The following PAK5 variants were observed in gnomAD, a reference collection of about 807,000 sequenced individuals.
The protein encoded by PAK5 is serine/threonine-protein kinase PAK 5.
PAK5 carries 16 observed loss-of-function variants against 65.9 expected under a neutral mutation model. The observed-to-expected ratio is 0.24, with a 90% confidence interval of 0.16 to 0.37. PAK5 has a LOEUF of 0.37. Ranked by LOEUF, PAK5 falls within the 10% of genes least tolerant of loss-of-function variation. The pLI is 1.00. For missense variants in PAK5, 785 were observed against 903.9 expected (o/e 0.87, Z 1.69); for synonymous variants, 371 against 354.9 (o/e 1.05, Z -0.51).
In PAK5 at chr20:9,740,130, C is replaced by T. The variant is rs368472360; in HGVS notation, c.-161-28695G>A. ...AAAGCGTTCTTTGGTGGAAAAATGT[C>T]GGAGCCACTACTGGACTTTAACAGC... On this transcript the variant is annotated intron_variant, in intron 1 of 9. Coordinates refer to ENST00000353224, the MANE Select transcript of PAK5 (RefSeq NM_177990.4). 4.6e-5 allele frequency among the ~76,000 whole-genome samples: 7 copies of T among 152,228 alleles called. No individual in the cohort carries two copies. The South Asian group carries it at 8.3e-4, about 18-fold the overall frequency.
At chr20:9,602,815 C>T (rs928503649) in intron 3 of PAK5, among the ~76,000 whole-genome samples, 3 of 152,198 alleles carry the variant, frequency 2.0e-5, no homozygotes, top group African/African-American at 7.2e-5. Context: ...CCCCATCTTG[C>T]CTGAACTGTA....
intron 1 of PAK5, among the ~76,000 whole-genome samples, chr20:9,788,163 G>T (rs1430948636): frequency 1.3e-5 from 2 of 152,148 alleles, no homozygotes; most frequent in East Asian, 1.9e-4. Flanking sequence ...TATAGTAACA[G>T]CTTCAATGTA....
intron 1 of PAK5, among the ~76,000 whole-genome samples, chr20:9,767,866 A>G (rs141208537): frequency 5.9e-5 from 9 of 152,312 alleles, no homozygotes; most frequent in East Asian, 1.9e-4. Context: ...GTGCCCATCA[A>G]TGGTGGACTG....
At chr20:9,836,680 T>C (rs1434263400) in intron 1 of PAK5, among the ~76,000 whole-genome samples, 1 of 152,116 alleles carries the variant, frequency 6.6e-6, no homozygotes, top group African/African-American at 2.4e-5. Context: ...GAAACTAATA[T>C]AGTTGGGAAA....
At chr20:9,751,621 T>C (rs1458898397) in intron 1 of PAK5, among the ~76,000 whole-genome samples, 1 of 152,174 alleles carries the variant, frequency 6.6e-6, no homozygotes, top group African/African-American at 2.4e-5. Flanking sequence ...TTGCTTACGT[T>C]GTATCAAGTA....
At chr20:9,659,807 C>T (rs796842014) in intron 2 of PAK5, among the ~76,000 whole-genome samples, 14 of 152,272 alleles carry the variant, frequency 9.2e-5, no homozygotes, top group African/African-American at 3.1e-4. Context: ...CCCAAACAAT[C>T]TAACATTCTG....
chr20:9,566,510 TG>T (rs1402626428), intron 4 of PAK5, 126 bp from the exon 5 acceptor site: 13 of 936,422 alleles, frequency 1.4e-5, no homozygotes, highest in Non-Finnish European at 2.0e-5. Flanking sequence ...AGGATCTGGC[TG>T]GGGCACCAAC....
intron 3 of PAK5, among the ~76,000 whole-genome samples, chr20:9,610,764 G>GT (rs1281063715): frequency 5.3e-5 from 8 of 152,158 alleles, no homozygotes; most frequent in Non-Finnish European, 1.2e-4. Context: ...TCATTTGAAT[G>GT]TATGTGTCCC....
intron 7 of PAK5, among the ~76,000 whole-genome samples, chr20:9,549,195 T>A (rs1230799073): frequency 6.6e-6 from 1 of 152,136 alleles, no homozygotes; most frequent in Non-Finnish European, 1.5e-5. Context: ...ATGTTGACTA[T>A]GTCAGGTCCC....
chr20:9,711,101 G>A (rs1044556579), intron 2 of PAK5, among the ~76,000 whole-genome samples, 185 bp downstream of exon 2: 4 of 152,134 alleles, frequency 2.6e-5, no homozygotes, highest in Non-Finnish European at 5.9e-5. Context: ...CCACTAGAAT[G>A]TCAGCTTCTG....
chr20:9,731,765 G>A (rs2048337495), intron 1 of PAK5, among the ~76,000 whole-genome samples: 1 of 152,136 alleles, frequency 6.6e-6, no homozygotes, highest in Admixed American at 6.6e-5. Context: ...TGGCTCATTT[G>A]TAACTAAAGT....
chr20:9,723,434 G>C (rs2048240851), intron 1 of PAK5, among the ~76,000 whole-genome samples: 1 of 152,090 alleles, frequency 6.6e-6, no homozygotes, highest in African/African-American at 2.4e-5. Flanking sequence ...AAAAACCAAG[G>C]GTTCAGTTCC....
chr20:9,809,741 A>C (rs2049276155), intron 1 of PAK5, among the ~76,000 whole-genome samples: 3 of 152,146 alleles, frequency 2.0e-5, no homozygotes, highest in Admixed American at 2.0e-4. Flanking sequence ...ATTTAAACCA[A>C]CTTTATATTG....
chr20:9,831,534 G>A (rs1978714859), intron 1 of PAK5, among the ~76,000 whole-genome samples: 1 of 152,118 alleles, frequency 6.6e-6, no homozygotes, highest in African/African-American at 2.4e-5. Context: ...CCAAGGCAGG[G>A]CCTCACTCTG....
intron 1 of PAK5, among the ~76,000 whole-genome samples, chr20:9,787,225 G>T (rs558307859): frequency 6.6e-6 from 1 of 152,218 alleles, no homozygotes; most frequent in East Asian, 1.9e-4. Context: ...TTTCATAAAG[G>T]TAGTTAGTGA....
intron 1 of PAK5, among the ~76,000 whole-genome samples, chr20:9,724,632 G>C (rs2048255134): frequency 1.3e-5 from 2 of 152,118 alleles, no homozygotes; most frequent in East Asian, 3.8e-4. Context: ...TAAGAGGGAG[G>C]TTGTTGGCAA....
intron 1 of PAK5, among the ~76,000 whole-genome samples, chr20:9,823,608 C>A (rs534148243): frequency 1.3e-5 from 2 of 152,206 alleles, no homozygotes; most frequent in African/African-American, 2.4e-5. Flanking sequence ...ACCATGATTG[C>A]GTGGCCTTCC....
intron 1 of PAK5, among the ~76,000 whole-genome samples, chr20:9,784,681 G>A (rs1600371224): frequency 6.6e-6 from 1 of 152,026 alleles, no homozygotes; most frequent in East Asian, 1.9e-4. Context: ...TTTGCAGGAG[G>A]TTTGATAGTA....
At chr20:9,598,280 G>A (rs2046305761) in intron 3 of PAK5, among the ~76,000 whole-genome samples, 2 of 152,208 alleles carry the variant, frequency 1.3e-5, no homozygotes, top group Admixed American at 6.5e-5. Context: ...CCCTGCAAAG[G>A]ACATGATCTC....
Sources: gnomAD v4.1 joint callset for allele counts (sites outside exome capture counted in the v4.1 genomes callset) on GRCh38, gnomAD v4.1.1 for gene constraint, MANE v1.5 for transcripts, NCBI Gene and HGNC (gene_info 2026-07-23, HGNC 2026-07-21) for gene names.